The following RBFOX1 variants were observed in gnomAD, a reference collection of about 807,000 sequenced individuals.
The protein encoded by RBFOX1 is RNA binding fox-1 homolog 1.
A neutral mutation model predicts 57.7 loss-of-function variants in RBFOX1; 8 were observed. The ratio of observed to expected loss-of-function variants is 0.14; its 90% CI spans 0.08 to 0.25. The LOEUF (loss-of-function observed/expected upper bound fraction) is 0.25. RBFOX1 is among the 10% of genes least tolerant of loss of function. The probability of loss-of-function intolerance (pLI) is 1.00; values close to 1 mark genes in which losing one functional copy is unlikely to be tolerated. For synonymous variants in RBFOX1, 326 were observed against 222.4 expected (o/e 1.47, Z -4.15); for missense variants, 611 against 548.5 (o/e 1.11, Z -1.14).
intron 5 of RBFOX1, among the ~76,000 whole-genome samples, chr16:7,536,601 T>A (rs887062223): frequency 8.5e-4 from 129 of 152,052 alleles, no homozygotes; most frequent in African/African-American, 3.0e-3. Flanking sequence ...CTCAAAAAAA[T>A]AATAATAATT....
intron 3 of RBFOX1, among the ~76,000 whole-genome samples, chr16:5,857,554 G>C (rs931571102): frequency 6.6e-6 from 1 of 152,124 alleles, no homozygotes; most frequent in Non-Finnish European, 1.5e-5. Context: ...CCCACCTCTG[G>C]CTGTGACAGC....
chr16:5,732,006 A>G (rs1353765014), intron 3 of RBFOX1, among the ~76,000 whole-genome samples: 1 of 152,186 alleles, frequency 6.6e-6, no homozygotes, highest in East Asian at 1.9e-4. Flanking sequence ...TGAGCTGGGC[A>G]TCCCCTTGCA....
Position 6,616,059 on chromosome 16 carries a change from C to T in RBFOX1, c.-63-38544C>T, listed in dbSNP as rs1017365272. On this transcript the variant is annotated intron_variant, in intron 2 of 15. Coordinates refer to ENST00000550418, the MANE Select transcript of RBFOX1 (RefSeq NM_018723.4). ...GCGTTTAGGAAAGTCAGACTGTCAT[C>T]GGTGTGGAGGGCTGTGCAGCAGATG... is the stretch of plus-strand genomic sequence containing the variant. Among the ~76,000 whole-genome samples the T allele has an allele frequency of 6.6e-5, 10 of 152,260 alleles. No homozygotes were observed. In the South Asian group the frequency reaches 2.1e-3, roughly 32 times the overall value.
At chr16:7,539,583 AT>A (rs753125220) in intron 5 of RBFOX1, among the ~76,000 whole-genome samples, 9 of 152,204 alleles carry the variant, frequency 5.9e-5, no homozygotes, top group Non-Finnish European at 1.3e-4. Flanking sequence ...ACATGCTTAA[AT>A]GGATGAGTTG....
chr16:7,243,375 G>A (rs545810084), intron 4 of RBFOX1, among the ~76,000 whole-genome samples: 135 of 152,202 alleles, frequency 8.9e-4, no homozygotes, highest in African/African-American at 3.2e-3. Context: ...GAGACATCAT[G>A]GTCACTTTGT....
rs146573113 is a variant in RBFOX1 at position 5,414,951 on chromosome 16, G to A, written c.220-52265G>A. On this transcript the variant is annotated intron_variant, in intron 1 of 2. Transcript: ENST00000585867. ...ATGCCTGTTTTTTACCCTTGGTGGAGGCTTTTGTGCTTTTTCATAACTTAT... is the reference window on the plus strand; with the variant it reads ...ATGCCTGTTTTTTACCCTTGGTGGAAGCTTTTGTGCTTTTTCATAACTTAT... Among the ~76,000 whole-genome samples the A allele has an allele frequency of 2.6e-4, 40 of 152,244 alleles. 1 individual carries two copies. Among genetic ancestry groups the A allele is most frequent in the African/African-American group, 9.4e-4 (39 of 41,544 alleles).
chr16:5,850,750 C>A (rs1485382863), intron 3 of RBFOX1, among the ~76,000 whole-genome samples: 1 of 152,210 alleles, frequency 6.6e-6, no homozygotes, highest in African/African-American at 2.4e-5. Context: ...AAAGAACCCA[C>A]AAGGGCGACT....
At chr16:6,637,703 G>C (rs954617469) in intron 2 of RBFOX1, among the ~76,000 whole-genome samples, 2 of 151,130 alleles carry the variant, frequency 1.3e-5, no homozygotes, top group African/African-American at 4.9e-5. Context: ...AGAAAGTACA[G>C]CTGACCATGA....
At chr16:5,907,154 CTTT>C (rs1346644662) in intron 4 of RBFOX1, among the ~76,000 whole-genome samples, 1 of 152,122 alleles carries the variant, frequency 6.6e-6, no homozygotes, top group Non-Finnish European at 1.5e-5. Flanking sequence ...AATTTGGAAA[CTTT>C]GCAGATTGTT....
At chr16:6,865,228 C>T (rs7197636) in intron 3 of RBFOX1, among the ~76,000 whole-genome samples, 26,790 of 151,696 alleles carry the variant, frequency 0.18, 3,038 homozygotes, top group African/African-American at 0.31. Flanking sequence ...GTCTCGAACT[C>T]CTGACCTCAG....
At chr16:7,399,625 C>G (rs1226274535) in intron 4 of RBFOX1, among the ~76,000 whole-genome samples, 1 of 152,146 alleles carries the variant, frequency 6.6e-6, no homozygotes, top group Non-Finnish European at 1.5e-5. Flanking sequence ...TCGTCCATTT[C>G]TGCCTCCATC....
At chr16:6,956,502 C>T (rs922805529) in intron 3 of RBFOX1, among the ~76,000 whole-genome samples, 1 of 152,112 alleles carries the variant, frequency 6.6e-6, no homozygotes, top group Non-Finnish European at 1.5e-5. Context: ...ATTTTAATTT[C>T]AGAGTAAACC....
intron 1 of RBFOX1, among the ~76,000 whole-genome samples, chr16:5,251,971 G>A (rs1256287134): frequency 3.3e-5 from 5 of 152,250 alleles, no homozygotes; most frequent in South Asian, 4.1e-4. Flanking sequence ...TCTTGCCAAG[G>A]TCTGGGGCTG....
intron 3 of RBFOX1, among the ~76,000 whole-genome samples, chr16:6,788,136 C>T (rs189458955): frequency 0.011 from 1,718 of 152,150 alleles, 17 homozygotes; most frequent in Non-Finnish European, 0.015. Flanking sequence ...GCAGGAGAAC[C>T]GCTTGAACCT....
intron 3 of RBFOX1, among the ~76,000 whole-genome samples, chr16:6,950,394 C>G (rs991379192): frequency 1.1e-4 from 16 of 152,170 alleles, no homozygotes; most frequent in Non-Finnish European, 1.6e-4. Context: ...CACCCACTAC[C>G]CACTACACCA....
At chr16:7,021,690 G>C (rs1009244549) in intron 3 of RBFOX1, among the ~76,000 whole-genome samples, 1 of 149,384 alleles carries the variant, frequency 6.7e-6, no homozygotes, top group Non-Finnish European at 1.5e-5. Flanking sequence ...ACTGGATTAA[G>C]TGTCCATCAT....
At chr16:7,325,472 C>T (rs923166788) in intron 4 of RBFOX1, among the ~76,000 whole-genome samples, 1 of 152,136 alleles carries the variant, frequency 6.6e-6, no homozygotes, top group African/African-American at 2.4e-5. Context: ...GAATGTAATG[C>T]CACAAGAATA....
intron 2 of RBFOX1, among the ~76,000 whole-genome samples, chr16:6,566,422 C>G (rs1376382347): frequency 6.6e-6 from 1 of 152,020 alleles, no homozygotes; most frequent in Non-Finnish European, 1.5e-5. Context: ...TAGGGACCTC[C>G]ATTTGATTTT....
intron 5 of RBFOX1, among the ~76,000 whole-genome samples, chr16:7,532,921 G>A (rs1296515643): frequency 1.3e-5 from 2 of 152,230 alleles, no homozygotes; most frequent in Non-Finnish European, 1.5e-5. Context: ...CCTGCTGGCT[G>A]CATTCAGGCA....
Sources: gnomAD v4.1 joint callset for allele counts (sites outside exome capture counted in the v4.1 genomes callset) on GRCh38, gnomAD v4.1.1 for gene constraint, MANE v1.5 for transcripts, NCBI Gene and HGNC (gene_info 2026-07-23, HGNC 2026-07-21) for gene names.